ADGRL3: variants seen among roughly 807,000 people sequenced by gnomAD.
ADGRL3 encodes calcium-independent alpha-latrotoxin receptor 3.
A neutral mutation model predicts 153.5 loss-of-function variants in ADGRL3; 62 were observed. The ratio of observed to expected loss-of-function variants is 0.40; its 90% CI spans 0.33 to 0.50. The LOEUF (loss-of-function observed/expected upper bound fraction) is 0.50. Ranked by LOEUF, ADGRL3 falls within the 20% of genes least tolerant of loss-of-function variation. The pLI is 0.47. For synonymous variants in ADGRL3, 710 were observed against 672.5 expected, an observed-to-expected ratio of 1.06 and a Z score of -0.86; for missense variants, 1,641 against 1,859.4, an observed-to-expected ratio of 0.88 and a Z score of 2.16.
intron 4 of ADGRL3, among the ~76,000 whole-genome samples, chr4:61,559,250 A>G (rs1046420194): frequency 6.6e-6 from 1 of 152,122 alleles, no homozygotes; most frequent in South Asian, 2.1e-4. Flanking sequence ...TCTTCTTACT[A>G]CATAAAATGT....
At chr4:61,794,630 G>A (rs1291937222) in intron 8 of ADGRL3, among the ~76,000 whole-genome samples, 2 of 152,136 alleles carry the variant, frequency 1.3e-5, no homozygotes, top group Non-Finnish European at 2.9e-5. Flanking sequence ...TCCTGTTGTT[G>A]AGATTCCTGG....
rs1269498563 is a variant in ADGRL3, at chr4:61,517,459, G to A, written c.200G>A (p.Arg67His). 3.8e-6 allele frequency: 3 copies of A among 796,634 alleles called. No homozygotes were observed. The highest frequency in any genetic ancestry group is 6.4e-6 in the Non-Finnish European group (3 of 470,856). The allele number at this position is 796,634 out of a possible 1,614,324, so 49.3% of individuals were successfully genotyped here. A position where few individuals can be genotyped will look rare whatever the true frequency, so the allele number is the denominator to read the frequency against. The change falls in exon 4 of 27, where the codon CGT (arginine) becomes CAT (histidine). Residue 67 changes from arginine (R) to histidine (H), a missense_variant. Transcript: ENST00000683033. ...RTAAHRGQGP[R>H]GATRGVRGPG... Reference sequence around the variant, plus strand: ...GCTGCTCATCGTGGACAAGGGCCCCGTGGAGCTACCAGAGGAGTTCGCGGT... The same window carrying A: ...GCTGCTCATCGTGGACAAGGGCCCCATGGAGCTACCAGAGGAGTTCGCGGT...
intron 8 of ADGRL3, among the ~76,000 whole-genome samples, chr4:61,734,090 C>A (rs2096478215): frequency 6.6e-6 from 1 of 152,140 alleles, no homozygotes; most frequent in Non-Finnish European, 1.5e-5. Flanking sequence ...GAAAAATGTT[C>A]ATAACTGATA....
At chr4:61,884,760 G>T (rs867455773) in intron 9 of ADGRL3, among the ~76,000 whole-genome samples, 3 of 151,738 alleles carry the variant, frequency 2.0e-5, no homozygotes, top group South Asian at 2.1e-4. Context: ...GAGTATCTGG[G>T]ATTACAGGCG....
At chr4:61,622,521 T>A (rs555723345) in intron 5 of ADGRL3, among the ~76,000 whole-genome samples, 1 of 151,822 alleles carries the variant, frequency 6.6e-6, no homozygotes. Flanking sequence ...GGAATAATAA[T>A]AATTAAAGTA....
chr4:61,772,652 C>G (rs1177561650), intron 8 of ADGRL3, among the ~76,000 whole-genome samples: 3 of 152,030 alleles, frequency 2.0e-5, no homozygotes, highest in Non-Finnish European at 1.5e-5. Flanking sequence ...TTTAGCAAAG[C>G]CTATTCATTC....
chr4:61,276,295 T>C (rs1056246741), intron 1 of ADGRL3, among the ~76,000 whole-genome samples: 1 of 152,192 alleles, frequency 6.6e-6, no homozygotes, highest in Non-Finnish European at 1.5e-5. Context: ...TAAGTCTAGA[T>C]GCTTTTAAAC....
intron 5 of ADGRL3, among the ~76,000 whole-genome samples, chr4:61,630,651 G>T (rs2093105789): frequency 1.3e-5 from 2 of 152,112 alleles, no homozygotes; most frequent in Admixed American, 1.3e-4. Context: ...ATGTTTACAT[G>T]TCTGTAATTT....
At chr4:61,380,572 T>G (rs1383207749) in intron 1 of ADGRL3, among the ~76,000 whole-genome samples, 1 of 152,042 alleles carries the variant, frequency 6.6e-6, no homozygotes, top group Non-Finnish European at 1.5e-5. Flanking sequence ...TAACTTTTAA[T>G]TTTTAATTAA....
chr4:61,736,926 A>T (rs1051391319), intron 8 of ADGRL3, among the ~76,000 whole-genome samples: 3 of 152,228 alleles, frequency 2.0e-5, no homozygotes, highest in African/African-American at 7.2e-5. Context: ...ATTGCAGTTT[A>T]GAGGTGGAAA....
At chr4:61,678,534 A>G (rs2095262309) in intron 6 of ADGRL3, among the ~76,000 whole-genome samples, 1 of 152,010 alleles carries the variant, frequency 6.6e-6, no homozygotes, top group East Asian at 1.9e-4. Context: ...TTTAATATAA[A>G]TAAGAACTTG....
intron 1 of ADGRL3, among the ~76,000 whole-genome samples, chr4:61,206,364 C>G (rs1338750165): frequency 6.6e-6 from 1 of 152,196 alleles, no homozygotes; most frequent in African/African-American, 2.4e-5. Context: ...CCTGGCAAAA[C>G]TTCCATGTCA....
chr4:61,380,978 G>T (rs758159087), intron 1 of ADGRL3, among the ~76,000 whole-genome samples: 1 of 151,522 alleles, frequency 6.6e-6, no homozygotes, highest in Non-Finnish European at 1.5e-5. Flanking sequence ...CCTCCTGCTC[G>T]CCTTTTTCTT....
chr4:61,658,386 A>C (rs2094499687), intron 5 of ADGRL3, among the ~76,000 whole-genome samples: 1 of 152,132 alleles, frequency 6.6e-6, no homozygotes, highest in Non-Finnish European at 1.5e-5. Flanking sequence ...ATAATCAGCT[A>C]TATCAGTCCA....
chr4:61,231,730 G>C (rs1405835474), intron 1 of ADGRL3, among the ~76,000 whole-genome samples: 1 of 151,894 alleles, frequency 6.6e-6, no homozygotes, highest in African/African-American at 2.4e-5. Context: ...GACGTCGAGG[G>C]GTGGTATCAA....
intron 26 of ADGRL3, 136 bp from the exon 27 acceptor site, chr4:62,069,973 A>C: frequency 2.8e-6 from 2 of 709,032 alleles, no homozygotes; most frequent in East Asian, 5.3e-5. Flanking sequence ...GTTTCCTTCC[A>C]AACATTTTAT....
intron 8 of ADGRL3, among the ~76,000 whole-genome samples, chr4:61,780,471 A>G (rs1209634619): frequency 6.6e-6 from 1 of 152,218 alleles, no homozygotes; most frequent in Non-Finnish European, 1.5e-5. Context: ...AAAAGGAACC[A>G]ATAGGCTTCT....
At position 61,401,841 on chromosome 4, in the gene ADGRL3, A is replaced by C. The variant is rs115165303; in HGVS notation, c.-174+18652A>C. Among the ~76,000 whole-genome samples the C allele has an allele frequency of 6.1e-3, 924 of 152,148 alleles. 10 individuals are homozygous for C. The highest frequency in any genetic ancestry group is 0.021 in the African/African-American group (870 of 41,536). ...TTTCTCTTAGGCATATTTGAATGCC[A>C]GTGTTTCAGCTTTGAAGATCAAACA... On this transcript the variant is annotated intron_variant, in intron 2 of 26. Transcript: ENST00000683033.
At chr4:61,636,878 TAAC>T (rs2093445113) in intron 5 of ADGRL3, among the ~76,000 whole-genome samples, 1 of 151,818 alleles carries the variant, frequency 6.6e-6, no homozygotes, top group Non-Finnish European at 1.5e-5. Context: ...GGAAAAATAA[TAAC>T]AATATAATGT....
Sources: gnomAD v4.1 joint callset for allele counts (sites outside exome capture counted in the v4.1 genomes callset) on GRCh38, gnomAD v4.1.1 for gene constraint, MANE v1.5 for transcripts, NCBI Gene and HGNC (gene_info 2026-07-23, HGNC 2026-07-21) for gene names.